The following VNN1 variants were observed in gnomAD, a reference collection of about 807,000 sequenced individuals.
VNN1 encodes vanin 1.
Under a neutral mutation model 41.9 loss-of-function variants are expected in VNN1, and 29 were observed. The observed-to-expected ratio is 0.69, with a 90% CI of 0.52 to 0.94. The LOEUF (loss-of-function observed/expected upper bound fraction) is 0.94. Ranked by LOEUF, VNN1 falls within the 40% of genes least tolerant of loss-of-function variation. The probability of loss-of-function intolerance (pLI) is 0.00; values close to 1 mark genes in which losing one functional copy is unlikely to be tolerated. For synonymous variants in VNN1, 233 were observed against 224.4 expected (o/e 1.04, Z -0.34); for missense variants, 637 against 621.1 (o/e 1.03, Z -0.27).
intron 5 of VNN1, among the ~76,000 whole-genome samples, chr6:132,685,907 C>T (rs1450239641): frequency 1.3e-5 from 2 of 152,116 alleles, no homozygotes; most frequent in Admixed American, 1.3e-4. Flanking sequence ...AGGGGATTAC[C>T]TGAATAAATA....
chr6:132,693,551 T>A (rs1392073408), intron 3 of VNN1, among the ~76,000 whole-genome samples: 1 of 152,226 alleles, frequency 6.6e-6, no homozygotes, highest in Non-Finnish European at 1.5e-5. Flanking sequence ...AAAGACCCAC[T>A]GGAATCTTAT....
intron 2 of VNN1, among the ~76,000 whole-genome samples, chr6:132,709,200 A>C (rs565527256): frequency 1.5e-5 from 2 of 132,312 alleles, no homozygotes; most frequent in South Asian, 4.8e-4. Context: ...GATAGATAAT[A>C]GATAGATGAT....
chr6:132,684,604 C>T (rs1366869137), intron 5 of VNN1, 99 bp from the exon 6 acceptor site: 38 of 1,157,456 alleles, frequency 3.3e-5, no homozygotes, highest in Non-Finnish European at 4.2e-5. Flanking sequence ...CATATCAAAA[C>T]GTCACATCAT....
intron 2 of VNN1, among the ~76,000 whole-genome samples, chr6:132,697,809 C>T (rs1353683237): frequency 1.3e-5 from 2 of 151,970 alleles, no homozygotes; most frequent in African/African-American, 2.4e-5. Flanking sequence ...AAAGAACAAC[C>T]GTTCAATAGT....
At chr6:132,688,816 C>A (rs1778240361) in intron 5 of VNN1, among the ~76,000 whole-genome samples, 1 of 151,996 alleles carries the variant, frequency 6.6e-6, no homozygotes, top group African/African-American at 2.4e-5. Context: ...CATTTTGTAC[C>A]TGTGTTCATG....
At chr6:132,709,743 G>A (rs1778572743) in intron 2 of VNN1, among the ~76,000 whole-genome samples, 1 of 152,036 alleles carries the variant, frequency 6.6e-6, no homozygotes, top group African/African-American at 2.4e-5. Context: ...AAACATAAAT[G>A]GGCAACCGTG....
chr6:132,699,737 C>A (rs1469913810), intron 2 of VNN1: 1 of 152,486 alleles, frequency 6.6e-6, no homozygotes, highest in Admixed American at 6.6e-5. Flanking sequence ...TTTTCTTTTG[C>A]AATTAAAATA....
rs771571410 is a variant in VNN1, at chr6:132,693,217, G to A, written c.633C>T (p.Cys211=). The part of the protein sequence containing the change: ...TTFGSFGIFT[C]FDILFHDPAV... ...CAGGATCATGGAAGAGTATATCAAA[G>A]CATGTGAAAATGCCAAAACTTCCAA... The change falls in exon 4 of 7, where the codon TGC becomes TGT. Residue 211 remains cysteine, a synonymous_variant. Transcript: ENST00000367928. 1.2e-6 allele frequency: 2 copies of A among 1,614,092 alleles called. No homozygotes were observed. Among genetic ancestry groups the A allele is most frequent in the Non-Finnish European group, 1.7e-6 (2 of 1,179,988 alleles).
At chr6:132,688,107 A>C (rs149816558) in intron 5 of VNN1, among the ~76,000 whole-genome samples, 193 of 152,200 alleles carry the variant, frequency 1.3e-3, no homozygotes, top group African/African-American at 4.4e-3. Flanking sequence ...GAAAAATTAT[A>C]AATATAATAT....
chr6:132,694,400 C>A (rs762963211), intron 2 of VNN1, among the ~76,000 whole-genome samples: 3 of 152,282 alleles, frequency 2.0e-5, no homozygotes, highest in Non-Finnish European at 4.4e-5. Context: ...GGATAAGATT[C>A]CAGACCACGT....
At chr6:132,712,431 T>C (rs1778615880) in intron 1 of VNN1, among the ~76,000 whole-genome samples, 1 of 152,178 alleles carries the variant, frequency 6.6e-6, no homozygotes, top group Non-Finnish European at 1.5e-5. Flanking sequence ...ATTACAGACA[T>C]GAGCCACCGC....
At chr6:132,711,860 T>C (rs1359410631) in intron 1 of VNN1, 21 bp from the exon 2 acceptor site, 3 of 1,611,476 alleles carry the variant, frequency 1.9e-6, no homozygotes, top group Non-Finnish European at 2.5e-6. Context: ...TGCAACTTAA[T>C]CCAAAGGGGG....
At chr6:132,686,669 C>T (rs1213731294) in intron 5 of VNN1, among the ~76,000 whole-genome samples, 1 of 152,170 alleles carries the variant, frequency 6.6e-6, no homozygotes, top group Non-Finnish European at 1.5e-5. Context: ...GCAAGTGTTA[C>T]TCACATGGTC....
At chr6:132,709,572 A>G (rs4897609) in intron 2 of VNN1, among the ~76,000 whole-genome samples, 75,853 of 151,410 alleles carry the variant, frequency 0.5, 21,721 homozygotes, top group African/African-American at 0.79. Flanking sequence ...GCTGAGGCAC[A>G]AGAATTGCTT....
At chr6:132,694,529 C>A (rs908052053) in intron 2 of VNN1, among the ~76,000 whole-genome samples, 1 of 152,060 alleles carries the variant, frequency 6.6e-6, no homozygotes, top group Non-Finnish European at 1.5e-5. Context: ...ATCCCGTTTA[C>A]TAAAATTTTG....
chr6:132,705,455 T>C (rs1778506255), intron 2 of VNN1, among the ~76,000 whole-genome samples: 1 of 152,132 alleles, frequency 6.6e-6, no homozygotes, highest in South Asian at 2.1e-4. Context: ...TGAAAAAATA[T>C]TTGGTAAAAT....
intron 2 of VNN1, among the ~76,000 whole-genome samples, chr6:132,695,535 G>A (rs1454234715): frequency 6.6e-6 from 1 of 152,226 alleles, no homozygotes; most frequent in South Asian, 2.1e-4. Context: ...TTCTGATCAT[G>A]GAGGTACAAA....
At chr6:132,691,728 G>T (rs1778287190) in intron 5 of VNN1, among the ~76,000 whole-genome samples, 2 of 152,140 alleles carry the variant, frequency 1.3e-5, no homozygotes. Context: ...AGGGCACGGT[G>T]GCTCATGCCT....
chr6:132,686,380 A>G (rs1020494685), intron 5 of VNN1, among the ~76,000 whole-genome samples: 1 of 152,148 alleles, frequency 6.6e-6, no homozygotes, highest in Non-Finnish European at 1.5e-5. Context: ...CCCGGGAGGC[A>G]GAGGTTGCAG....
Sources: gnomAD v4.1 joint callset for allele counts (sites outside exome capture counted in the v4.1 genomes callset) on GRCh38, gnomAD v4.1.1 for gene constraint, MANE v1.5 for transcripts, NCBI Gene and HGNC (gene_info 2026-07-23, HGNC 2026-07-21) for gene names.